The following SLC7A11 variants were observed in gnomAD, a reference collection of about 807,000 sequenced individuals.
The protein encoded by SLC7A11 is solute carrier family 7 member 11.
A neutral mutation model predicts 54.5 loss-of-function variants in SLC7A11; 35 were observed. The ratio of observed to expected loss-of-function variants is 0.64; its 90% CI spans 0.49 to 0.85. The LOEUF is 0.85. Ranked by LOEUF, SLC7A11 falls within the 40% of genes least tolerant of loss-of-function variation. The pLI is 0.00. For synonymous variants in SLC7A11, 230 were observed against 225.2 expected (o/e 1.02, Z -0.19); for missense variants, 583 against 618.1 (o/e 0.94, Z 0.60).
intron 6 of SLC7A11, among the ~76,000 whole-genome samples, chr4:138,192,726 A>G (rs369978554): frequency 9.9e-5 from 15 of 152,158 alleles, no homozygotes; most frequent in East Asian, 3.8e-4. Flanking sequence ...TCAAATAAAA[A>G]CTGATTTTCA....
chr4:138,219,330 T>C lies in SLC7A11; in HGVS notation c.682A>G (p.Arg228Gly). The change falls in exon 5 of 12, where the codon AGA becomes GGA. Residue 228 changes from arginine to glycine, a missense_variant. By Grantham distance (125) the Arg-to-Gly change is moderately radical (BLOSUM62 -2). Coordinates refer to ENST00000280612, the MANE Select transcript of SLC7A11 (RefSeq NM_014331.4). ...GGCAACCGCGTAATACTTGAATCTC[T>C]TCCTGAAAAGGCGTCTTTAAAGTTC... ...TQNFKDAFSG[R>G]DSSITRLPLA... 6.2e-7 allele frequency: 1 copy of C among 1,610,308 alleles called. No individual in the cohort carries two copies. The highest frequency in any genetic ancestry group is 8.5e-7 in the Non-Finnish European group (1 of 1,176,708).
intron 11 of SLC7A11, chr4:138,177,295 T>C (rs1736596680): frequency 6.6e-6 from 1 of 152,112 alleles, no homozygotes; most frequent in Non-Finnish European, 1.5e-5. Context: ...AAAAATTAAT[T>C]ATGGTAAAGT....
chr4:138,232,026 T>C (rs956620107), intron 3 of SLC7A11, among the ~76,000 whole-genome samples: 3 of 152,230 alleles, frequency 2.0e-5, no homozygotes, highest in Non-Finnish European at 4.4e-5. Context: ...AATATTTTAC[T>C]AGTAAGGTGA....
At chr4:138,232,974 GATTT>G (rs758157748) in intron 2 of SLC7A11, among the ~76,000 whole-genome samples, 4 of 151,648 alleles carry the variant, frequency 2.6e-5, no homozygotes, top group East Asian at 1.9e-4. Flanking sequence ...AAAAATAATA[GATTT>G]ATTATAATCT....
rs781535980 is a variant in SLC7A11, at chr4:138,179,250, C to T, written c.1411G>A (p.Asp471Asn). The change falls in exon 11 of 12, where the codon GAC becomes AAC. Residue 471 changes from aspartate to asparagine, a missense_variant. Coordinates refer to ENST00000280612, the MANE Select transcript of SLC7A11 (RefSeq NM_014331.4). The part of the protein sequence containing the change: ...VPAYYLFIIW[D>N]KKPRWFRIMS... Reference sequence around the variant, plus strand: ...ATTCTAAACCACCTGGGTTTCTTGTCCCATATAATAAAGAGATAATACGCA... The same window carrying T: ...ATTCTAAACCACCTGGGTTTCTTGTTCCATATAATAAAGAGATAATACGCA... The T allele has an allele frequency of 1.2e-6, 2 of 1,611,666 alleles. No homozygotes were observed. Among genetic ancestry groups the T allele is most frequent in the East Asian group, 2.2e-5 (1 of 44,828 alleles).
intron 6 of SLC7A11, among the ~76,000 whole-genome samples, chr4:138,185,892 A>G (rs1560720776): frequency 6.6e-6 from 1 of 152,144 alleles, no homozygotes; most frequent in African/African-American, 2.4e-5. Context: ...AAAGCACAGA[A>G]GTGTTCACAA....
rs370955919 is a variant in SLC7A11, at chr4:138,232,254, C to T, written c.520+13G>A. On this transcript the variant is annotated intron_variant, in intron 3 of 11. Transcript: ENST00000280612. ...TGTTTTTCCTTTTTCACATATATAG[C>T]TATAATACTCACTTATGCCCACAGC... 2.6e-5 allele frequency: 38 copies of T among 1,473,640 alleles called. No individual in the cohort carries two copies. Among genetic ancestry groups the T allele is most frequent in the Non-Finnish European group, 3.6e-5 (38 of 1,052,092 alleles). The allele number at this position is 1,473,640 out of a possible 1,614,324, so 91.3% of individuals were successfully genotyped here.
rs1176629027 is a variant in SLC7A11 at position 138,167,025 on chromosome 4, T to C, written c.*4931A>G. 1 of 150,560 alleles carries C rather than the reference T, an allele frequency of 6.6e-6. No homozygotes were observed. The highest frequency in any genetic ancestry group is 1.5e-5 in the Non-Finnish European group (1 of 67,798). The allele number at this position is 150,560 out of a possible 1,614,324, so 9.3% of individuals were successfully genotyped here. A position where few individuals can be genotyped will look rare whatever the true frequency, so the allele number is the denominator to read the frequency against. On this transcript the variant is annotated 3_prime_UTR_variant, in exon 12 of 12. Coordinates refer to ENST00000280612, the MANE Select transcript of SLC7A11 (RefSeq NM_014331.4). The stretch of plus-strand genomic sequence containing the variant: ...TTTTAGACACCAACTAATTGGAAAA[T>C]ATAAGGAAAGAAATAATTATCTCCC...
At chr4:138,237,460 C>T (rs1049374979) in intron 1 of SLC7A11, among the ~76,000 whole-genome samples, 3 of 149,684 alleles carry the variant, frequency 2.0e-5, no homozygotes, top group Non-Finnish European at 4.4e-5. Context: ...AGTGCAATGG[C>T]GCTGTCAGCT....
intron 1 of SLC7A11, among the ~76,000 whole-genome samples, chr4:138,240,672 G>T (rs1336828947): frequency 6.6e-6 from 1 of 152,074 alleles, no homozygotes; most frequent in African/African-American, 2.4e-5. Context: ...GGTACACATG[G>T]GAACAGGAGT....
At chr4:138,225,080 G>A (rs1365309841) in intron 3 of SLC7A11, among the ~76,000 whole-genome samples, 2 of 146,646 alleles carry the variant, frequency 1.4e-5, no homozygotes, top group Admixed American at 6.9e-5. Context: ...AAAAAAAAGA[G>A]GGGTAACTAA....
rs181491322 is a variant in SLC7A11 at position 138,183,766 on chromosome 4, A to T, written c.916-461T>A. ...TATGCCAATCCCATTCTTAGGAGGT[A>T]AATAAAATAATTGATGACTTAATAA... On this transcript the variant is annotated intron_variant, in intron 7 of 11. Transcript: ENST00000280612. Among the ~76,000 whole-genome samples, 14 of 152,296 alleles carry T rather than the reference A, an allele frequency of 9.2e-5. No homozygotes were observed. In the East Asian group the frequency reaches 2.7e-3, roughly 29 times the overall value.
rs2148404318 is a variant in SLC7A11, at chr4:138,169,819, G to A, written c.*2137C>T. On this transcript the variant is annotated 3_prime_UTR_variant, in exon 12 of 12. Coordinates refer to ENST00000280612, the MANE Select transcript of SLC7A11 (RefSeq NM_014331.4). ...AAATGAACAATATTTACTGGAAATAGGAATTATAAATCAAATTTTGAAAAC... is the reference window on the plus strand; with the variant it reads ...AAATGAACAATATTTACTGGAAATAAGAATTATAAATCAAATTTTGAAAAC... The A allele has an allele frequency of 6.6e-6, 1 of 152,068 alleles. No homozygotes were observed. Among genetic ancestry groups the A allele is most frequent in the East Asian group, 1.9e-4 (1 of 5,162 alleles). The allele number at this position is 152,068 out of a possible 1,614,324, so 9.4% of individuals were successfully genotyped here.
intron 6 of SLC7A11, among the ~76,000 whole-genome samples, chr4:138,206,334 C>A (rs1343909127): frequency 1.3e-5 from 2 of 150,650 alleles, no homozygotes; most frequent in African/African-American, 4.9e-5. Flanking sequence ...TGTTGTTGCT[C>A]CTAAAACAAG....
chr4:138,195,737 T>G (rs930045580), intron 6 of SLC7A11, among the ~76,000 whole-genome samples: 6 of 152,204 alleles, frequency 3.9e-5, no homozygotes, highest in African/African-American at 1.2e-4. Flanking sequence ...TCTTTATTTA[T>G]GTATTCATAC....
At chr4:138,198,128 G>A (rs1318013082) in intron 6 of SLC7A11, among the ~76,000 whole-genome samples, 1 of 151,014 alleles carries the variant, frequency 6.6e-6, no homozygotes, top group Non-Finnish European at 1.5e-5. Context: ...AGAGTGGGCT[G>A]TAAAAAAGAA....
In SLC7A11 at chr4:138,171,624, T is replaced by C; in HGVS notation, c.*332A>G. The C allele has an allele frequency of 4.1e-6, 1 of 242,006 alleles. No homozygotes were observed. The highest frequency in any genetic ancestry group is 7.8e-6 in the Non-Finnish European group (1 of 127,974). The allele number at this position is 242,006 out of a possible 1,614,324, so 15.0% of individuals were successfully genotyped here. On this transcript the variant is annotated 3_prime_UTR_variant, in exon 12 of 12. Transcript: ENST00000280612. ...ATACAGAAAAATCTCAGTCTTCAAT[T>C]TGAAGGTTCTTTGCCGTGCTAACAT...
intron 6 of SLC7A11, among the ~76,000 whole-genome samples, chr4:138,185,842 A>G (rs1736862523): frequency 1.3e-5 from 2 of 152,250 alleles, no homozygotes; most frequent in South Asian, 4.1e-4. Context: ...GGATATATCT[A>G]CCTTTCTAAA....
rs368062342 is a variant in SLC7A11, at chr4:138,172,037, A to T, written c.1445-20T>A. ...TTTTCTCTACAAAGAAATAAAAATGAATTAAAAATGCATGGAAATCAGAAA... is the reference window on the plus strand; with the variant it reads ...TTTTCTCTACAAAGAAATAAAAATGTATTAAAAATGCATGGAAATCAGAAA... On this transcript the variant is annotated intron_variant, in intron 11 of 11. Coordinates refer to ENST00000280612, the MANE Select transcript of SLC7A11 (RefSeq NM_014331.4). 6.4e-6 allele frequency: 10 copies of T among 1,572,056 alleles called. No individual in the cohort carries two copies. The African/African-American group carries it at 1.2e-4, about 20-fold the overall frequency.
Sources: allele counts gnomAD v4.1 joint callset (sites outside exome capture counted in the v4.1 genomes callset), GRCh38; gene constraint gnomAD v4.1.1; transcripts MANE v1.5; gene names NCBI Gene and HGNC (gene_info 2026-07-23, HGNC 2026-07-21).